Variants in AVIL observed in about 807,000 individuals in gnomAD.
AVIL encodes the protein advillin.
In AVIL, 78 loss-of-function variants were observed where a neutral mutation model predicts 109.9. That is an observed-to-expected ratio of 0.71 (90% CI 0.59 to 0.86). AVIL has a LOEUF of 0.86. AVIL is among the 40% of genes least tolerant of loss of function. The probability of loss-of-function intolerance (pLI) is 0.00; values close to 1 mark genes in which losing one functional copy is unlikely to be tolerated. For missense variants in AVIL, 892 were observed against 1,016.5 expected (o/e 0.88, Z 1.67); for synonymous variants, 367 against 379.1 (o/e 0.97, Z 0.37).
chr12:57,806,953 G>C (rs1955957030), intron 13 of AVIL, among the ~76,000 whole-genome samples: 1 of 152,210 alleles, frequency 6.6e-6, no homozygotes, highest in East Asian at 1.9e-4. Flanking sequence ...GGGCTTCATG[G>C]AAGAAGTGGG....
At chr12:57,807,761 T>G (rs1271829613) in intron 11 of AVIL, 34 bp from the exon 12 acceptor site, 4 of 1,613,580 alleles carry the variant, frequency 2.5e-6, no homozygotes, top group Non-Finnish European at 2.5e-6. Flanking sequence ...TTTCCAGAGA[T>G]GGGGGTGCTG....
At chr12:57,806,092 C>A in intron 14 of AVIL, 1 of 351,566 alleles carries the variant, frequency 2.8e-6, no homozygotes, top group South Asian at 3.1e-5. Context: ...GCCTCAGCCT[C>A]CCAAAGTGCT....
At chr12:57,804,386 T>C (rs1048889655) in intron 14 of AVIL, 1 of 152,234 alleles carries the variant, frequency 6.6e-6, no homozygotes, top group East Asian at 1.9e-4. Flanking sequence ...GTGGGGTTGT[T>C]TCTGATTATG....
intron 4 of AVIL, among the ~76,000 whole-genome samples, chr12:57,812,322 C>T (rs1956048450): frequency 6.6e-6 from 1 of 151,986 alleles, no homozygotes; most frequent in Non-Finnish European, 1.5e-5. Context: ...GTGTGAGCCA[C>T]CACGCCCAAC....
intron 7 of AVIL, 133 bp downstream of exon 7, chr12:57,810,200 AGCTTTCTAGGAGCTGC>A: frequency 3.5e-6 from 3 of 861,730 alleles, no homozygotes; most frequent in Non-Finnish European, 5.2e-6. Context: ...GGGATCTCCA[AGCTTTCTAGGAGCTGC>A]ATTTGAAAAG....
intron 3 of AVIL, 80 bp downstream of exon 3, chr12:57,814,072 C>T: frequency 6.8e-7 from 1 of 1,479,660 alleles, no homozygotes; most frequent in Non-Finnish European, 9.3e-7. Flanking sequence ...ACTACCTTCC[C>T]TCACCAGCAC....
intron 2 of AVIL, chr12:57,815,442 C>A (rs144411711): frequency 5.5e-6 from 3 of 540,804 alleles, no homozygotes; most frequent in Non-Finnish European, 8.2e-6. Flanking sequence ...GGGGAATCCT[C>A]GTATCTGGCA....
intron 5 of AVIL, 38 bp downstream of exon 5, chr12:57,810,981 A>G: frequency 6.2e-7 from 1 of 1,612,686 alleles, no homozygotes; most frequent in South Asian, 1.1e-5. Context: ...CCAGGTGGAG[A>G]AGCCCCGGGC....
chr12:57,818,073 C>T (rs1380145682), intron 1 of AVIL, among the ~76,000 whole-genome samples: 1 of 150,920 alleles, frequency 6.6e-6, no homozygotes, highest in Non-Finnish European at 1.5e-5. Flanking sequence ...GGCTGGAGTG[C>T]AGTGGTACAA....
Position 57,809,642 on chromosome 12 carries a change from T to G in AVIL, c.894A>C (p.Lys298Asn), listed in dbSNP as rs748062721. The G allele has an allele frequency of 6.2e-7, 1 of 1,614,084 alleles. No homozygotes were observed. The highest frequency in any genetic ancestry group is 1.3e-5 in the African/African-American group (1 of 75,066). Residue 298 changes from lysine (K) to asparagine (N), a missense_variant, in exon 9 of 20, where the codon AAA (lysine) becomes AAC (asparagine). Transcript: ENST00000549994. The stretch of plus-strand genomic sequence containing the variant: ...CCTGTTTTTCAGCCTTTGTGGCTCC[T>G]TTTCCTTTCCACACGTAGATTTTGG... ...SGTKIYVWKGKGATKAEKQAA... is the reference protein window; with the variant it reads ...SGTKIYVWKGNGATKAEKQAA...
In AVIL at chr12:57,805,228, T is replaced by C. The variant is rs563807334; in HGVS notation, c.1671+1132A>G. Among the ~76,000 whole-genome samples, 259 of 151,712 alleles carry C rather than the reference T, an allele frequency of 1.7e-3. 2 individuals carry two copies. The highest frequency in any genetic ancestry group is 3.1e-3 in the Non-Finnish European group (211 of 67,888). On this transcript the variant is annotated intron_variant, in intron 14 of 19. Transcript: ENST00000549994. ...GCACCACCATGCCCAGCTAATTTTT[T>C]GTATTTTTAGTAGAGGCGGGGTTTC...
chr12:57,802,154 T>G lies in AVIL; in HGVS notation c.2151+6A>C. 6.2e-7 allele frequency: 1 copy of G among 1,613,770 alleles called. No homozygotes were observed. The highest frequency in any genetic ancestry group is 8.5e-7 in the Non-Finnish European group (1 of 1,179,750). On this transcript the variant is annotated splice_donor_region_variant and intron_variant, in intron 17 of 19. Transcript: ENST00000549994. ...AAGTTAGAGCTTCCCTACTCTCTTT[T>G]CTTACACTCCAAATGTTAGGGTCCC...
intron 17 of AVIL, 143 bp downstream of exon 17, chr12:57,802,017 G>A (rs1166822998): frequency 5.2e-6 from 5 of 956,266 alleles, no homozygotes; most frequent in South Asian, 1.7e-5. Flanking sequence ...GAGGAGAAAA[G>A]TAAAAGGCAG....
Position 57,797,627 on chromosome 12 carries a change from G to A in AVIL, c.*255C>T, listed in dbSNP as rs1955762610. 2 of 894,354 alleles carry A rather than the reference G, an allele frequency of 2.2e-6. No homozygotes were observed. Among genetic ancestry groups the A allele is most frequent in the Non-Finnish European group, 2.7e-6 (2 of 730,144 alleles). 55.4% of individuals were successfully genotyped at this position (894,354 alleles called of 1,614,324 possible). On this transcript the variant is annotated 3_prime_UTR_variant, in exon 20 of 20. Transcript: ENST00000549994. ...CTTTTGATTTCTCCAGATTTATGCA[G>A]TTTTAGTGCTTTCTGCTGAGGCTTT...
At position 57,816,109 on chromosome 12, in the gene AVIL, G is replaced by A. The variant is rs1363345571; in HGVS notation, c.-19-50C>T. ...GAGATGATATCTCTTGCCATAGTGG[G>A]CATCAATCCAGTTTTTCTGCCGAGC... On this transcript the variant is annotated intron_variant, in intron 1 of 19. Transcript: ENST00000549994. The A allele has an allele frequency of 6.1e-6, 9 of 1,486,576 alleles. No individual in the cohort carries two copies. In the Admixed American group the frequency reaches 1.2e-4, roughly 20 times the overall value. 92.1% of individuals were successfully genotyped at this position (1,486,576 alleles called of 1,614,324 possible).
rs11349032 is a variant in AVIL at position 57,816,700 on chromosome 12, C to CT, written c.-19-642dup. Among the ~76,000 whole-genome samples, 694 of 93,452 alleles carry CT rather than the reference C, an allele frequency of 7.4e-3. 12 individuals carry two copies. In the South Asian group the frequency reaches 0.1, roughly 14 times the overall value. The allele number at this position is 93,452 out of a possible 152,430, so 61.3% of individuals were successfully genotyped here. On this transcript the variant is annotated intron_variant, in intron 1 of 19. Coordinates refer to ENST00000549994, the MANE Select transcript of AVIL (RefSeq NM_006576.4). Reference sequence around the variant, plus strand: ...TTTGACCTTCTCTTTGGCTTTTGTCCTTTTTTTTTTTTTTTTTTTTTTTTT... The same window carrying CT: ...TTTGACCTTCTCTTTGGCTTTTGTCCTTTTTTTTTTTTTTTTTTTTTTTTTT...
rs1358315350 is a variant in AVIL, at chr12:57,801,416, C to G, written c.2152-204G>C. 6.8e-6 allele frequency: 3 copies of G among 438,016 alleles called. No individual in the cohort carries two copies. In the Admixed American group the frequency reaches 1.2e-4, roughly 17 times the overall value. 27.1% of individuals were successfully genotyped at this position (438,016 alleles called of 1,614,324 possible). ...CATAACGCACATTCTTTGATGGTAA[C>G]CCCTCAGTCCTCCCAATAAGATTTA... On this transcript the variant is annotated intron_variant, in intron 17 of 19. Transcript: ENST00000549994.
Position 57,815,539 on chromosome 12 carries a change from C to T in AVIL, c.66+436G>A, listed in dbSNP as rs549726187. 6.1e-5 allele frequency: 73 copies of T among 1,196,058 alleles called. 1 individual carries two copies. The highest frequency in any genetic ancestry group is 2.3e-4 in the East Asian group (4 of 17,186). The allele number at this position is 1,196,058 out of a possible 1,614,324, so 74.1% of individuals were successfully genotyped here. On this transcript the variant is annotated intron_variant, in intron 2 of 19. Coordinates refer to ENST00000549994, the MANE Select transcript of AVIL (RefSeq NM_006576.4). ...AGAGGGTCCCAAGCCCAAGAGGAGA[C>T]GGGCTGAACAGCTCCTCATCTCTGC...
chr12:57,807,269 G>T (rs937420035), intron 13 of AVIL, 62 bp downstream of exon 13: 6 of 1,608,830 alleles, frequency 3.7e-6, no homozygotes, highest in Middle Eastern at 1.7e-4. Flanking sequence ...CAATAGTCCT[G>T]TGCTGGTTTG....
Sources: allele counts gnomAD v4.1 joint callset (sites outside exome capture counted in the v4.1 genomes callset), GRCh38; gene constraint gnomAD v4.1.1; transcripts MANE v1.5; gene names NCBI Gene and HGNC (gene_info 2026-07-23, HGNC 2026-07-21).